The following RBMS3 variants were observed in gnomAD, a reference collection of about 807,000 sequenced individuals.
RBMS3 encodes the protein RNA binding motif single stranded interacting protein 3.
Under a neutral mutation model 66.8 loss-of-function variants are expected in RBMS3, and 27 were observed. That is an observed-to-expected ratio of 0.40 (90% confidence interval 0.30 to 0.56). RBMS3 has a LOEUF of 0.56. Among genes scored for constraint, RBMS3 ranks in the 20% least tolerant of loss-of-function variants. The pLI, the probability that RBMS3 is intolerant of heterozygous loss-of-function variation, is 0.40. For synonymous variants in RBMS3, 188 were observed against 183.0 expected (o/e 1.03, Z -0.22); for missense variants, 513 against 549.5 (o/e 0.93, Z 0.66).
intron 4 of RBMS3, among the ~76,000 whole-genome samples, chr3:29,728,218 T>C (rs1576631607): frequency 7.1e-6 from 1 of 141,054 alleles, no homozygotes. Flanking sequence ...GGCAGGGGGG[T>C]AAGGGGAGGG....
At chr3:29,991,391 T>C (rs1480452133) in intron 14 of RBMS3, 182 bp downstream of exon 14, 2 of 912,466 alleles carry the variant, frequency 2.2e-6, no homozygotes, top group Non-Finnish European at 3.2e-6. Context: ...ATGGTTCTTC[T>C]GATCTTGACA....
At position 29,919,864 on chromosome 3, in the gene RBMS3, C is replaced by T. The variant is rs540438049; in HGVS notation, c.940-16222C>T. ...TCTGTCACTTCATTCACAAACTTTG[C>T]TCCCACATTGTTCACATAATCATCT... On this transcript the variant is annotated intron_variant, in intron 10 of 14. Transcript: ENST00000383767. Among the ~76,000 whole-genome samples the T allele has an allele frequency of 6.6e-4, 100 of 152,346 alleles. No homozygotes were observed. The East Asian group carries it at 6.9e-3, about 11-fold the overall frequency.
intron 12 of RBMS3, among the ~76,000 whole-genome samples, chr3:29,980,101 T>TAA (rs1399786682): frequency 6.6e-6 from 1 of 152,218 alleles, no homozygotes; most frequent in East Asian, 1.9e-4. Context: ...CATCTGTTGT[T>TAA]TCATGAGTTG....
At chr3:29,805,950 A>C (rs985144883) in intron 6 of RBMS3, among the ~76,000 whole-genome samples, 1 of 152,014 alleles carries the variant, frequency 6.6e-6, no homozygotes, top group Admixed American at 6.6e-5. Flanking sequence ...TCAGTTTTGC[A>C]AGCTGCATTC....
chr3:29,461,920 A>ATTTTTTTTTTTTTT (rs61115023), intron 2 of RBMS3, among the ~76,000 whole-genome samples: 3 of 93,298 alleles, frequency 3.2e-5, no homozygotes, highest in African/African-American at 8.2e-5. Context: ...TGCCCGGCTA[A>ATTTTTTTTTTTTTT]TTTTTTTTTT....
intron 2 of RBMS3, among the ~76,000 whole-genome samples, chr3:29,468,671 T>G (rs1421798581): frequency 2.0e-5 from 3 of 152,182 alleles, no homozygotes; most frequent in Non-Finnish European, 4.4e-5. Context: ...TATTTCATAC[T>G]CTCCTAACTA....
At chr3:29,674,099 A>T (rs1047412205) in intron 4 of RBMS3, among the ~76,000 whole-genome samples, 1 of 152,194 alleles carries the variant, frequency 6.6e-6, no homozygotes, top group Non-Finnish European at 1.5e-5. Flanking sequence ...CTGGTTCAAC[A>T]TATGCAAATC....
rs192138585 is a variant in RBMS3 at position 29,441,565 on chromosome 3, T to C, written c.248+6650T>C. 3.5e-4 allele frequency among the ~76,000 whole-genome samples: 54 copies of C among 152,286 alleles called. No individual in the cohort carries two copies. In the East Asian group the frequency reaches 0.01, roughly 29 times the overall value. The stretch of plus-strand genomic sequence containing the variant: ...GCCACCAGGATTCAAAATCTGGATC[T>C]GACTTCAAAGCCGATATTCGTAATC... On this transcript the variant is annotated intron_variant, in intron 2 of 14. Transcript: ENST00000383767.
chr3:29,467,042 G>A (rs13067074), intron 2 of RBMS3, among the ~76,000 whole-genome samples: 42,769 of 151,710 alleles, frequency 0.28, 6,241 homozygotes, highest in Admixed American at 0.4. Flanking sequence ...GGGAAATTTT[G>A]GCCCAAGTGA....
intron 6 of RBMS3, among the ~76,000 whole-genome samples, chr3:29,772,298 C>T (rs1408704129): frequency 6.6e-6 from 1 of 151,950 alleles, no homozygotes; most frequent in Non-Finnish European, 1.5e-5. Context: ...TTTTATGCCT[C>T]TAAGTCTTAG....
chr3:29,281,964 AG>A (rs2031835392), intron 1 of RBMS3, among the ~76,000 whole-genome samples: 1 of 152,204 alleles, frequency 6.6e-6, no homozygotes, highest in Non-Finnish European at 1.5e-5. Flanking sequence ...TTTCTCTTTA[AG>A]GAGAGATAAT....
At chr3:29,815,842 C>A (rs560749550) in intron 6 of RBMS3, among the ~76,000 whole-genome samples, 3 of 151,924 alleles carry the variant, frequency 2.0e-5, no homozygotes, top group Non-Finnish European at 4.4e-5. Flanking sequence ...ATAGTGTACA[C>A]TGCTTGGGTG....
chr3:29,997,404 C>T (rs1236638276), intron 14 of RBMS3, among the ~76,000 whole-genome samples: 1 of 149,250 alleles, frequency 6.7e-6, no homozygotes, highest in Non-Finnish European at 1.5e-5. Context: ...GGGAATCCTC[C>T]CTAACTCATT....
intron 3 of RBMS3, among the ~76,000 whole-genome samples, chr3:29,578,077 G>A (rs1279647043): frequency 6.6e-6 from 1 of 152,138 alleles, no homozygotes; most frequent in Non-Finnish European, 1.5e-5. Context: ...TACTACAAAT[G>A]TTTTTGATTT....
chr3:29,979,026 G>A (rs1697789080), intron 12 of RBMS3, among the ~76,000 whole-genome samples: 1 of 152,094 alleles, frequency 6.6e-6, no homozygotes, highest in Non-Finnish European at 1.5e-5. Context: ...CAGCTACTTG[G>A]GAGGGTGAGG....
chr3:29,936,233 T>G (rs765975734), intron 11 of RBMS3, 37 bp downstream of exon 11: 11 of 1,570,502 alleles, frequency 7.0e-6, no homozygotes, highest in Non-Finnish European at 8.7e-6. Flanking sequence ...CTTGAACTTT[T>G]TTGATCAGAT....
chr3:29,294,693 T>C (rs528125181), intron 1 of RBMS3, among the ~76,000 whole-genome samples: 2 of 151,874 alleles, frequency 1.3e-5, no homozygotes, highest in East Asian at 3.9e-4. Context: ...TTTTATGGGT[T>C]GGCAGAAAGT....
intron 12 of RBMS3, 190 bp from the exon 13 acceptor site, chr3:29,987,953 G>T (rs3773121): frequency 1.9e-6 from 1 of 530,438 alleles, no homozygotes; most frequent in Non-Finnish European, 3.4e-6. Context: ...GGCTACTGTG[G>T]GTACTTAATC....
chr3:29,634,199 A>G (rs1033755192), intron 4 of RBMS3, among the ~76,000 whole-genome samples: 2 of 151,904 alleles, frequency 1.3e-5, no homozygotes, highest in African/African-American at 4.8e-5. Flanking sequence ...GTGGATTTTT[A>G]CTACCTAGCA....
Sources: allele counts gnomAD v4.1 joint callset (sites outside exome capture counted in the v4.1 genomes callset), GRCh38; gene constraint gnomAD v4.1.1; transcripts MANE v1.5; gene names NCBI Gene and HGNC (gene_info 2026-07-23, HGNC 2026-07-21).